Variants in CLINT1 observed in about 807,000 individuals in gnomAD.
CLINT1 encodes clathrin interactor 1.
In CLINT1, 15 loss-of-function variants were observed where a neutral mutation model predicts 70.4. The ratio of observed to expected loss-of-function variants is 0.21; its 90% confidence interval spans 0.14 to 0.33. CLINT1 has a LOEUF of 0.33. CLINT1 is among the 10% of genes least tolerant of loss of function. The pLI, the probability that CLINT1 is intolerant of heterozygous loss-of-function variation, is 1.00. For synonymous variants in CLINT1, 227 were observed against 254.7 expected, an observed-to-expected ratio of 0.89 and a Z score of 1.04; for missense variants, 615 against 778.1, an observed-to-expected ratio of 0.79 and a Z score of 2.49.
At chr5:157,854,567 A>T (rs1454857578) in intron 1 of CLINT1, among the ~76,000 whole-genome samples, 1 of 152,172 alleles carries the variant, frequency 6.6e-6, no homozygotes, top group African/African-American at 2.4e-5. Flanking sequence ...CAGACTACTA[A>T]TCCAATAAAT....
chr5:157,830,992 C>T (rs1197399408), intron 1 of CLINT1, among the ~76,000 whole-genome samples: 2 of 151,448 alleles, frequency 1.3e-5, no homozygotes, highest in Non-Finnish European at 2.9e-5. Context: ...TGCAGTGAGA[C>T]ATGATAGTGC....
chr5:157,835,692 A>G (rs956678037), intron 1 of CLINT1, among the ~76,000 whole-genome samples: 5 of 152,154 alleles, frequency 3.3e-5, no homozygotes, highest in African/African-American at 1.2e-4. Flanking sequence ...AGATATGAAC[A>G]AGGGAACTAA....
chr5:157,831,465 G>C (rs866421670), intron 1 of CLINT1, among the ~76,000 whole-genome samples: 3 of 151,364 alleles, frequency 2.0e-5, no homozygotes, highest in Non-Finnish European at 4.4e-5. Context: ...TGGGATTACA[G>C]GCATGAGCCA....
chr5:157,819,417 C>T (rs912153923), intron 1 of CLINT1, among the ~76,000 whole-genome samples: 2 of 152,098 alleles, frequency 1.3e-5, no homozygotes, highest in African/African-American at 4.8e-5. Flanking sequence ...ACTGCCCACC[C>T]CCCCTTAAAA....
At chr5:157,794,538 AT>A (rs1479207306) in intron 9 of CLINT1, among the ~76,000 whole-genome samples, 2 of 152,200 alleles carry the variant, frequency 1.3e-5, no homozygotes, top group Non-Finnish European at 2.9e-5. Flanking sequence ...TGTTCCTTTC[AT>A]TCATGAAAAT....
intron 8 of CLINT1, among the ~76,000 whole-genome samples, chr5:157,796,811 T>C (rs1419270816): frequency 1.3e-5 from 2 of 152,202 alleles, no homozygotes; most frequent in Non-Finnish European, 2.9e-5. Flanking sequence ...TTTTAATGCA[T>C]ATTTACTGTA....
chr5:157,827,741 C>T (rs2113251334), intron 1 of CLINT1, among the ~76,000 whole-genome samples: 1 of 152,246 alleles, frequency 6.6e-6, no homozygotes, highest in Non-Finnish European at 1.5e-5. Context: ...GTTACCAATA[C>T]CAAATTTTCA....
At chr5:157,804,911 G>A (rs910920823) in intron 7 of CLINT1, among the ~76,000 whole-genome samples, 2 of 150,766 alleles carry the variant, frequency 1.3e-5, no homozygotes, top group African/African-American at 4.9e-5. Context: ...TGGGCAACAA[G>A]AGCGAAACTC....
intron 3 of CLINT1, among the ~76,000 whole-genome samples, chr5:157,815,347 A>G (rs1439716658): frequency 6.6e-6 from 1 of 152,142 alleles, no homozygotes; most frequent in Non-Finnish European, 1.5e-5. Flanking sequence ...AAATTTTGTT[A>G]AAATGTAAAT....
chr5:157,831,693 CTTTT>C (rs35629225), intron 1 of CLINT1, among the ~76,000 whole-genome samples: 2 of 123,948 alleles, frequency 1.6e-5, no homozygotes, highest in Non-Finnish European at 1.7e-5. Context: ...TGAAAATATC[CTTTT>C]TTTTTTTTTT....
intron 1 of CLINT1, among the ~76,000 whole-genome samples, chr5:157,826,826 T>C (rs1245348173): frequency 9.2e-5 from 14 of 152,216 alleles, no homozygotes; most frequent in Non-Finnish European, 2.1e-4. Context: ...AACCTATTTA[T>C]ACCATACTTT....
At chr5:157,839,565 C>A (rs1490013035) in intron 1 of CLINT1, among the ~76,000 whole-genome samples, 1 of 151,376 alleles carries the variant, frequency 6.6e-6, no homozygotes, top group Admixed American at 6.6e-5. Flanking sequence ...TTGTGCACTG[C>A]ACTCCAGCCC....
At chr5:157,811,464 C>T (rs528105121) in intron 5 of CLINT1, among the ~76,000 whole-genome samples, 4 of 148,496 alleles carry the variant, frequency 2.7e-5, no homozygotes, top group South Asian at 2.1e-4. Context: ...ACCCGGGAGG[C>T]GGAGGTTGCA....
chr5:157,840,469 TC>T (rs1753134747), intron 1 of CLINT1, among the ~76,000 whole-genome samples: 1 of 152,006 alleles, frequency 6.6e-6, no homozygotes, highest in South Asian at 2.1e-4. Flanking sequence ...ACTGTGGCTA[TC>T]TAAAAGAATC....
At chr5:157,810,317 C>T (rs1057159415) in intron 5 of CLINT1, among the ~76,000 whole-genome samples, 2 of 152,132 alleles carry the variant, frequency 1.3e-5, no homozygotes, top group Non-Finnish European at 2.9e-5. Flanking sequence ...ATAACTGTCA[C>T]GCCTCAGTAT....
In CLINT1 at chr5:157,817,398, A is replaced by T. The variant is rs533678912; in HGVS notation, c.146+45T>A. ...GCAAATTTCATATTTCTGTGTTAAG[A>T]TGCTTTGATTTTTTTCTGCACTGCT... On this transcript the variant is annotated intron_variant, in intron 2 of 11. Coordinates refer to ENST00000411809, the MANE Select transcript of CLINT1 (RefSeq NM_014666.4). 26 of 1,190,168 alleles carry T rather than the reference A, an allele frequency of 2.2e-5. No homozygotes were observed. In the East Asian group the frequency reaches 5.8e-4, roughly 27 times the overall value. 73.7% of individuals were successfully genotyped at this position (1,190,168 alleles called of 1,614,324 possible).
intron 1 of CLINT1, among the ~76,000 whole-genome samples, chr5:157,851,143 C>G (rs1753559389): frequency 8.7e-6 from 1 of 114,582 alleles, no homozygotes; most frequent in Non-Finnish European, 1.7e-5. Flanking sequence ...AAATGGCAAA[C>G]AAACAAACAA....
intron 7 of CLINT1, among the ~76,000 whole-genome samples, chr5:157,804,560 T>G (rs1251335438): frequency 1.3e-5 from 2 of 152,114 alleles, no homozygotes; most frequent in Non-Finnish European, 2.9e-5. Flanking sequence ...ATGAGTTGGG[T>G]AACTTTCTAA....
intron 1 of CLINT1, among the ~76,000 whole-genome samples, chr5:157,825,433 G>C (rs1027729272): frequency 7.9e-5 from 12 of 152,058 alleles, no homozygotes; most frequent in Non-Finnish European, 1.8e-4. Context: ...ACGATCAAAT[G>C]AGTAAAAAGC....
Sources: gnomAD v4.1 joint callset for allele counts (sites outside exome capture counted in the v4.1 genomes callset) on GRCh38, gnomAD v4.1.1 for gene constraint, MANE v1.5 for transcripts, NCBI Gene and HGNC (gene_info 2026-07-23, HGNC 2026-07-21) for gene names.